Variants in PABPC4 observed in about 807,000 individuals in gnomAD.
PABPC4 encodes poly(A) binding protein cytoplasmic 4, also known as polyadenylate-binding protein 4.
In PABPC4, 15 loss-of-function variants were observed where a neutral mutation model predicts 74.5. The observed-to-expected ratio is 0.20, with a 90% CI of 0.13 to 0.31. The LOEUF (loss-of-function observed/expected upper bound fraction) is 0.31. Among genes scored for constraint, PABPC4 ranks in the 10% least tolerant of loss-of-function variants. PABPC4 has a pLI of 1.00. For synonymous variants in PABPC4, 345 were observed against 303.0 expected (o/e 1.14, Z -1.44); for missense variants, 610 against 853.5 (o/e 0.71, Z 3.55).
chr1:39,575,518 C>T (rs1014054362), intron 1 of PABPC4, among the ~76,000 whole-genome samples: 1 of 152,190 alleles, frequency 6.6e-6, no homozygotes, highest in African/African-American at 2.4e-5. Flanking sequence ...TGGTTTCCAA[C>T]CCCACTACCA....
intron 1 of PABPC4, among the ~76,000 whole-genome samples, chr1:39,574,343 T>TCG (rs897820948): frequency 2.6e-5 from 4 of 152,240 alleles, no homozygotes; most frequent in Non-Finnish European, 5.9e-5. Context: ...CAACAGCTCC[T>TCG]CGTCTATTTC....
At chr1:39,564,116 C>G in intron 10 of PABPC4, 194 bp from the exon 11 acceptor site, 4 of 621,586 alleles carry the variant, frequency 6.4e-6, no homozygotes, top group Non-Finnish European at 1.1e-5. Context: ...TCTGTATACA[C>G]TGTTTCCTTG....
intron 1 of PABPC4, among the ~76,000 whole-genome samples, chr1:39,573,552 C>T (rs776034859): frequency 1.3e-5 from 2 of 152,206 alleles, no homozygotes; most frequent in Non-Finnish European, 2.9e-5. Context: ...GGTATGGTGG[C>T]TCACTCCTGT....
Position 39,563,529 on chromosome 1 carries a change from G to T in PABPC4, c.1668+85C>A, listed in dbSNP as rs967946588. The T allele has an allele frequency of 4.0e-6, 6 of 1,503,582 alleles. No individual in the cohort carries two copies. In the South Asian group the frequency reaches 5.0e-5, roughly 13 times the overall value. The allele number at this position is 1,503,582 out of a possible 1,614,324, so 93.1% of individuals were successfully genotyped here. On this transcript the variant is annotated intron_variant, in intron 12 of 15. Coordinates refer to ENST00000372858, the MANE Select transcript of PABPC4 (RefSeq NM_001135653.2). ...AACACAGAGCAGGCATTTAATACCTGTTGAAGGAATCAAAAGCACAGCTTC... is the reference window on the plus strand; with the variant it reads ...AACACAGAGCAGGCATTTAATACCTTTTGAAGGAATCAAAAGCACAGCTTC...
At chr1:39,561,208 A>G (rs1238968404) in intron 15 of PABPC4, 86 bp from the exon 16 acceptor site, 2 of 457,358 alleles carry the variant, frequency 4.4e-6, no homozygotes, top group African/African-American at 4.0e-5. Context: ...AAGGTATTCT[A>G]GAAGAGAGTT....
At position 39,575,883 on chromosome 1, in the gene PABPC4, G is replaced by A. The variant is rs775430671; in HGVS notation, c.69C>T (p.Thr23=). The A allele has an allele frequency of 5.0e-6, 8 of 1,611,988 alleles. No homozygotes were observed. The highest frequency in any genetic ancestry group is 2.2e-5 in the East Asian group (1 of 44,696). The change falls in exon 1 of 16, where the codon ACC becomes ACT. Residue 23 remains threonine, a synonymous_variant. Coordinates refer to ENST00000372858, the MANE Select transcript of PABPC4 (RefSeq NM_001135653.2). ...LYVGDLHSDV[T]EAMLYEKFSP... is the part of the protein sequence containing the mutation. ...TGAACTTTTCGTACAGCATGGCCTC[G>A]GTGACGTCCGAATGCAGGTCGCCCA... is the stretch of plus-strand genomic sequence containing the variant.
Position 39,560,934 on chromosome 1 carries a change from C to T in PABPC4, c.*202G>A, listed in dbSNP as rs1352080829. 5 of 271,444 alleles carry T rather than the reference C, an allele frequency of 1.8e-5. No homozygotes were observed. The highest frequency in any genetic ancestry group is 3.9e-5 in the Non-Finnish European group (5 of 129,862). 16.8% of individuals were successfully genotyped at this position (271,444 alleles called of 1,614,324 possible). A position where few individuals can be genotyped will look rare whatever the true frequency, so the allele number is the denominator to read the frequency against. ...AAAAAAAAAGTTAACACTGTCTGGG[C>T]CACAGCAGAACCCAAAGAACATATT... On this transcript the variant is annotated 3_prime_UTR_variant, in exon 16 of 16. Coordinates refer to ENST00000372858, the MANE Select transcript of PABPC4 (RefSeq NM_001135653.2).
intron 15 of PABPC4, 36 bp downstream of exon 15, chr1:39,561,649 G>T: frequency 7.0e-7 from 1 of 1,419,008 alleles, no homozygotes; most frequent in Non-Finnish European, 1.0e-6. Context: ...TAGGAACAAT[G>T]CTCATAGGAA....
At chr1:39,571,110 G>A in intron 3 of PABPC4, 124 bp downstream of exon 3, 1 of 1,557,312 alleles carries the variant, frequency 6.4e-7, no homozygotes, top group African/African-American at 1.3e-5. Flanking sequence ...CCCTGGAGTG[G>A]AGAGGTAGGA....
intron 5 of PABPC4, 127 bp downstream of exon 5, chr1:39,569,468 T>TA: frequency 1.4e-6 from 1 of 707,588 alleles, no homozygotes; most frequent in Non-Finnish European, 2.6e-6. Context: ...GATCCCAGAG[T>TA]ATAGTAATGG....
rs896757413 is a variant in PABPC4, at chr1:39,568,846, G to A, written c.832C>T (p.Arg278Trp). 15 of 1,613,930 alleles carry A rather than the reference G, an allele frequency of 9.3e-6. No individual in the cohort carries two copies. The highest frequency in any genetic ancestry group is 1.3e-5 in the African/African-American group (1 of 74,982). The change falls in exon 6 of 16, where the codon CGG becomes TGG. Residue 278 changes from arginine to tryptophan, a missense_variant. Arg to Trp is a moderately radical substitution (Grantham distance 101). This residue lies in a region of PABPC4 where 304 missense variants were observed against 478.9 expected (regional missense o/e 0.63). Transcript: ENST00000372858. ...KKVERQAELK[R>W]KFEQLKQERI... ...TCCTGTTTCAACTGTTCAAATTTCC[G>A]TTTTAACTCTGCCTGCCGTTCTACT...
At position 39,562,100 on chromosome 1, in the gene PABPC4, T is replaced by C. The variant is rs1315566366; in HGVS notation, c.1866A>G (p.Leu622=). 7 of 1,613,332 alleles carry C rather than the reference T, an allele frequency of 4.3e-6. No individual in the cohort carries two copies. The South Asian group carries it at 5.5e-5, about 13-fold the overall frequency. The change falls in exon 14 of 16, where the codon TTA becomes TTG. Residue 622 remains leucine (L), a synonymous_variant. Transcript: ENST00000372858. ...EIDNSELLHM[L]ESPESLRSKV... ...TGGAGCGGAGAGACTCGGGGGACTC[T>C]AACATGTGCAGCAGCTCAGAGTTGT...
At position 39,564,648 on chromosome 1, in the gene PABPC4, AT is replaced by A. The variant is rs1645809537; in HGVS notation, c.1333+37del. ...AAAGGCAGGGGAGACCAGGACAGGT[AT>A]ATCCTGGGCTGTCAATTACTGTTCC... On this transcript the variant is annotated intron_variant, in intron 9 of 15. Transcript: ENST00000372858. 4 of 1,601,176 alleles carry A rather than the reference AT, an allele frequency of 2.5e-6. No homozygotes were observed. In the East Asian group the frequency reaches 8.9e-5, roughly 36 times the overall value.
At chr1:39,567,995 C>T (rs544033258) in intron 6 of PABPC4, 149 bp from the exon 7 acceptor site, 50 of 554,526 alleles carry the variant, frequency 9.0e-5, no homozygotes, top group African/African-American at 9.5e-5. Flanking sequence ...CGGTGGCTCA[C>T]GCCTGTAATC....
intron 12 of PABPC4, 116 bp downstream of exon 12, chr1:39,563,498 C>G (rs1034746286): frequency 2.3e-6 from 3 of 1,282,630 alleles, no homozygotes; most frequent in Non-Finnish European, 3.2e-6. Flanking sequence ...CAGAACATAG[C>G]GTCATAACAC....
chr1:39,576,040 C>T lies in PABPC4; in HGVS notation c.-89G>A, dbSNP rs1007194566. 60 of 963,822 alleles carry T rather than the reference C, an allele frequency of 6.2e-5. No individual in the cohort carries two copies. Among genetic ancestry groups the T allele is most frequent in the Admixed American group, 5.5e-4 (16 of 29,080 alleles). The allele number at this position is 963,822 out of a possible 1,614,324, so 59.7% of individuals were successfully genotyped here. A position where few individuals can be genotyped will look rare whatever the true frequency, so the allele number is the denominator to read the frequency against. ...AAAGGGGCGCCTTCGGAGCCCGGGC[C>T]CGCGCCGCGGCTCACAGGTGGCACC... On this transcript the variant is annotated 5_prime_UTR_variant, in exon 1 of 16. Coordinates refer to ENST00000372858, the MANE Select transcript of PABPC4 (RefSeq NM_001135653.2).
At position 39,563,416 on chromosome 1, in the gene PABPC4, T is replaced by G. The variant is rs150401755; in HGVS notation, c.1668+198A>C. On this transcript the variant is annotated intron_variant, in intron 12 of 15. Transcript: ENST00000372858. The stretch of plus-strand genomic sequence containing the variant: ...CGCTCTGAGGCATTTCTGAGTGAAC[T>G]GGCATCAGGCAGAGCACTTTTAAGC... 7.6e-3 allele frequency: 4,573 copies of G among 603,926 alleles called. 27 individuals are homozygous for G. The highest frequency in any genetic ancestry group is 0.014 in the Middle Eastern group (32 of 2,240). 37.4% of individuals were successfully genotyped at this position (603,926 alleles called of 1,614,324 possible). A position where few individuals can be genotyped will look rare whatever the true frequency, so the allele number is the denominator to read the frequency against.
chr1:39,569,295 G>C (rs1008227903), intron 5 of PABPC4, among the ~76,000 whole-genome samples: 1 of 152,172 alleles, frequency 6.6e-6, no homozygotes. Context: ...AGTAGCTGCC[G>C]TGCTGTTATC....
At chr1:39,566,465 T>TA (rs1645844893) in intron 7 of PABPC4, among the ~76,000 whole-genome samples, 1 of 152,226 alleles carries the variant, frequency 6.6e-6, no homozygotes, top group Non-Finnish European at 1.5e-5. Flanking sequence ...ACCACAGGTC[T>TA]ACTGGTTCAG....
Sources: gnomAD v4.1 joint callset for allele counts (sites outside exome capture counted in the v4.1 genomes callset) on GRCh38, gnomAD v4.1.1 for gene constraint, gnomAD v4.1.1 regional missense constraint, MANE v1.5 for transcripts, NCBI Gene and HGNC (gene_info 2026-07-23, HGNC 2026-07-21) for gene names.